Variants in GALNT8 observed in about 807,000 individuals in gnomAD.
GALNT8 encodes the protein probable polypeptide N-acetylgalactosaminyltransferase 8.
A neutral mutation model predicts 62.7 loss-of-function variants in GALNT8; 66 were observed. That is an observed-to-expected ratio of 1.05 (90% CI 0.86 to 1.29). The LOEUF (loss-of-function observed/expected upper bound fraction) is 1.29, where lower values mean the gene tolerates loss of function less well. Among genes scored for constraint, GALNT8 ranks in the 50% most tolerant of loss-of-function variants. The pLI is 0.00. For missense variants in GALNT8, 771 were observed against 791.8 expected, an observed-to-expected ratio of 0.97 and a Z score of 0.32; for synonymous variants, 288 against 294.3, an observed-to-expected ratio of 0.98 and a Z score of 0.22.
chr12:4,751,344 G>C (rs191426622), intron 6 of GALNT8, among the ~76,000 whole-genome samples: 1 of 152,210 alleles, frequency 6.6e-6, no homozygotes, highest in East Asian at 1.9e-4. Flanking sequence ...AGTTCTTTAA[G>C]ATGCATCATT....
At chr12:4,730,303 G>A (rs1158977971) in intron 2 of GALNT8, among the ~76,000 whole-genome samples, 1 of 151,982 alleles carries the variant, frequency 6.6e-6, no homozygotes, top group Non-Finnish European at 1.5e-5. Context: ...CAATGTCCTG[G>A]AAAATTTTCT....
In GALNT8 at chr12:4,749,282, C is replaced by A. The variant is rs1361722680; in HGVS notation, c.1173+3024C>A. Among the ~76,000 whole-genome samples, 1 of 151,992 alleles carries A rather than the reference C, an allele frequency of 6.6e-6. No homozygotes were observed. Among genetic ancestry groups the A allele is most frequent in the African/African-American group, 2.4e-5 (1 of 41,404 alleles). On this transcript the variant is annotated intron_variant, in intron 6 of 10. Coordinates refer to ENST00000252318, the MANE Select transcript of GALNT8 (RefSeq NM_017417.2). The surrounding 1 kb of genome is among the most constrained non-coding windows in gnomAD (Gnocchi z 4.1). ...TGAAAATGGGCACCTTTGTCATGTT[C>A]CAGATCTTAGAGGAAAGGCTTTCAG...
At chr12:4,743,236 A>G (rs1377455096) in intron 3 of GALNT8, among the ~76,000 whole-genome samples, 2 of 152,200 alleles carry the variant, frequency 1.3e-5, no homozygotes, top group Non-Finnish European at 2.9e-5. Context: ...GAATCTAGAT[A>G]TTCAGGTTCA....
intron 3 of GALNT8, among the ~76,000 whole-genome samples, chr12:4,742,751 G>A (rs936321352): frequency 3.3e-5 from 5 of 152,028 alleles, no homozygotes; most frequent in East Asian, 1.9e-4. Flanking sequence ...GCTAGGGAGC[G>A]CCGAAGGAAT....
intron 1 of GALNT8, among the ~76,000 whole-genome samples, chr12:4,725,006 C>T (rs1018437123): frequency 1.3e-5 from 2 of 152,052 alleles, no homozygotes; most frequent in Non-Finnish European, 2.9e-5. Context: ...TGCAATCATT[C>T]AGAAAAAAAG....
At chr12:4,728,688 G>A (rs146128942) in intron 2 of GALNT8, among the ~76,000 whole-genome samples, 13 of 152,116 alleles carry the variant, frequency 8.5e-5, no homozygotes, top group African/African-American at 2.9e-4. Flanking sequence ...GTTTATTTCT[G>A]GATATCAATC....
At position 4,763,297 on chromosome 12, in the gene GALNT8, C is replaced by G. The variant is rs753233108; in HGVS notation, c.1404C>G (p.Leu468=). ...DFGDVSSRMA[L]REKLKCKTFD... is the part of the protein sequence containing the mutation. The stretch of plus-strand genomic sequence containing the variant: ...GAGACGTTTCTTCCAGAATGGCACT[C>G]CGGGAAAAACTGAAATGTAAAACTT... The change falls in exon 8 of 11, where the codon CTC becomes CTG. Residue 468 remains leucine, a synonymous_variant. Transcript: ENST00000252318. 5.0e-6 allele frequency: 8 copies of G among 1,611,492 alleles called. No homozygotes were observed. The African/African-American group carries it at 1.1e-4, about 22-fold the overall frequency.
At chr12:4,721,094 G>A (rs1246561094) in intron 1 of GALNT8, among the ~76,000 whole-genome samples, 2 of 152,112 alleles carry the variant, frequency 1.3e-5, no homozygotes, top group African/African-American at 2.4e-5. Flanking sequence ...ATTAGAGCAA[G>A]CAGTATGGGG....
chr12:4,758,635 TGTGAGAGAGA>T (rs1474825626), intron 6 of GALNT8, among the ~76,000 whole-genome samples: 5,958 of 46,568 alleles, frequency 0.13, 106 homozygotes, highest in Middle Eastern at 0.19. Context: ...TGTGTGTGTG[TGTGAGAGAGA>T]GAGAGAGAGA....
chr12:4,725,296 G>T (rs1284327239), intron 1 of GALNT8, among the ~76,000 whole-genome samples: 1 of 152,318 alleles, frequency 6.6e-6, no homozygotes, highest in South Asian at 2.1e-4. Flanking sequence ...ATCTTACTGG[G>T]TGGAAAGGTG....
At chr12:4,759,713 A>C (rs1438455883) in intron 6 of GALNT8, among the ~76,000 whole-genome samples, 1 of 152,086 alleles carries the variant, frequency 6.6e-6, no homozygotes, top group African/African-American at 2.4e-5. Context: ...CCGTGGCCTA[A>C]GCTACACACT....
At chr12:4,721,196 A>T (rs952338495) in intron 1 of GALNT8, among the ~76,000 whole-genome samples, 1 of 152,076 alleles carries the variant, frequency 6.6e-6, no homozygotes, top group Non-Finnish European at 1.5e-5. Flanking sequence ...GAAGAATAAG[A>T]ATCCCAAGGG....
intron 9 of GALNT8, among the ~76,000 whole-genome samples, chr12:4,764,371 C>G (rs71459921): frequency 6.6e-6 from 1 of 152,122 alleles, no homozygotes; most frequent in Non-Finnish European, 1.5e-5. Context: ...CTCCCGCCAT[C>G]TTCTCACTGC....
chr12:4,744,530 A>G lies in GALNT8; in HGVS notation c.690A>G (p.Val230=), dbSNP rs527497131. ...DDFSSNGELK[V]HLDEKIKLYN... ...CTTGATTGACAGGAGAACTAAAGGT[A>G]CACTTGGATGAGAAGATTAAGCTTT... is the stretch of plus-strand genomic sequence containing the variant. The change falls in exon 4 of 11, where the codon GTA becomes GTG. Residue 230 remains valine, a synonymous_variant. Transcript: ENST00000252318. 7 of 1,608,644 alleles carry G rather than the reference A, an allele frequency of 4.4e-6. No individual in the cohort carries two copies. In the Admixed American group the frequency reaches 1.2e-4, roughly 27 times the overall value.
At position 4,761,111 on chromosome 12, in the gene GALNT8, A is replaced by G. The variant is rs774308714; in HGVS notation, c.1327A>G (p.Met443Val). ...AEIWMDEHKH[M>V]VYLAWNIPLQ... ...AATCTGGATGGATGAGCACAAACAC[A>G]TGGTCTACTTGGCCTGGAACATACC... is the stretch of plus-strand genomic sequence containing the variant. Residue 443 changes from methionine (M) to valine (V), a missense_variant, in exon 7 of 11, where the codon ATG becomes GTG. Coordinates refer to ENST00000252318, the MANE Select transcript of GALNT8 (RefSeq NM_017417.2). The G allele has an allele frequency of 9.9e-6, 16 of 1,613,952 alleles. No individual in the cohort carries two copies. In the East Asian group the frequency reaches 2.9e-4, roughly 29 times the overall value.
At chr12:4,725,929 C>T (rs561676847) in intron 1 of GALNT8, among the ~76,000 whole-genome samples, 16 of 152,142 alleles carry the variant, frequency 1.1e-4, no homozygotes, top group Non-Finnish European at 1.6e-4. Flanking sequence ...TAAAGTTCCT[C>T]GTAAATCAAG....
chr12:4,761,439 G>A (rs936284232), intron 7 of GALNT8, among the ~76,000 whole-genome samples: 1 of 152,224 alleles, frequency 6.6e-6, no homozygotes, highest in Admixed American at 6.5e-5. Context: ...GAAGAAACTT[G>A]TTTAAGGTAA....
At chr12:4,734,461 G>A (rs1946235534) in intron 2 of GALNT8, among the ~76,000 whole-genome samples, 1 of 151,962 alleles carries the variant, frequency 6.6e-6, no homozygotes. Context: ...ATTTTTTTGT[G>A]GTCTAGTATT....
intron 10 of GALNT8, chr12:4,768,419 G>GT: frequency 2.7e-6 from 1 of 372,748 alleles, no homozygotes; most frequent in Middle Eastern, 4.2e-4. Flanking sequence ...TTTTTTTTGT[G>GT]TTTTTTCTTT....
Sources: gnomAD v4.1 joint callset for allele counts (sites outside exome capture counted in the v4.1 genomes callset) on GRCh38, gnomAD v4.1.1 for gene constraint, Gnocchi (gnomAD v3.1) non-coding constraint, MANE v1.5 for transcripts, NCBI Gene and HGNC (gene_info 2026-07-23, HGNC 2026-07-21) for gene names.